The following NRG1 variants were observed in gnomAD, a reference collection of about 807,000 sequenced individuals.
NRG1 encodes pro-neuregulin-1, membrane-bound isoform.
NRG1 carries 18 observed loss-of-function variants against 63.8 expected under a neutral mutation model. The ratio of observed to expected loss-of-function variants is 0.28; its 90% CI spans 0.19 to 0.42. The LOEUF is 0.42. Among genes scored for constraint, NRG1 ranks in the 10% least tolerant of loss-of-function variants. The pLI is 1.00. For missense variants in NRG1, 762 were observed against 814.7 expected (o/e 0.94, Z 0.79); for synonymous variants, 302 against 301.3 (o/e 1.00, Z -0.02).
intron 1 of NRG1, among the ~76,000 whole-genome samples, chr8:31,714,997 C>T (rs1349777610): frequency 1.3e-5 from 2 of 151,946 alleles, no homozygotes; most frequent in Non-Finnish European, 2.9e-5. Flanking sequence ...ATAAAAAATA[C>T]CTTTCAAAGA....
chr8:32,579,180 A>C lies in NRG1; in HGVS notation c.101-16648A>C, dbSNP rs1397939236. On this transcript the variant is annotated intron_variant, in intron 1 of 11. Transcript: ENST00000356819. ...TGAAAGCTTTGGAAAATTTTGTAGA[A>C]GTTCTTTCTTCTGTCTTTTTTTTTT... Among the ~76,000 whole-genome samples the C allele has an allele frequency of 3.4e-5, 5 of 145,956 alleles. No individual in the cohort carries two copies. In the Admixed American group the frequency reaches 3.5e-4, roughly 10 times the overall value.
At chr8:32,748,671 A>G (rs1403995083) in intron 7 of NRG1, 2 of 456,050 alleles carry the variant, frequency 4.4e-6, no homozygotes, top group South Asian at 3.1e-5. Flanking sequence ...GGCTGTGTGC[A>G]TGGGAGTCCA....
At chr8:31,743,083 C>T (rs1430960674) in intron 1 of NRG1, among the ~76,000 whole-genome samples, 1 of 151,956 alleles carries the variant, frequency 6.6e-6, no homozygotes, top group Admixed American at 6.6e-5. Flanking sequence ...GTTTTGAGCT[C>T]AAATAACAAT....
chr8:31,926,036 A>G (rs1834332129), intron 1 of NRG1, among the ~76,000 whole-genome samples: 1 of 152,162 alleles, frequency 6.6e-6, no homozygotes, highest in Admixed American at 6.5e-5. Context: ...AATAAAATGT[A>G]AAGGTTCTGG....
chr8:31,959,787 T>TTTA (rs58164655), intron 1 of NRG1, among the ~76,000 whole-genome samples: 46,968 of 129,002 alleles, frequency 0.36, 9,970 homozygotes, highest in Middle Eastern at 0.48. Flanking sequence ...CGATTATTTA[T>TTTA]TTATTTATTA....
chr8:31,647,358 G>T (rs1217053932), intron 1 of NRG1, among the ~76,000 whole-genome samples: 1 of 152,216 alleles, frequency 6.6e-6, no homozygotes, highest in Non-Finnish European at 1.5e-5. Flanking sequence ...GGTGGCATGT[G>T]CCCATTTGGG....
intron 1 of NRG1, among the ~76,000 whole-genome samples, chr8:31,838,410 G>A (rs2129607316): frequency 6.6e-6 from 1 of 152,040 alleles, no homozygotes; most frequent in Middle Eastern, 3.4e-3. Context: ...TTTTTAGGCT[G>A]TTCTTCACCA....
At chr8:31,790,797 T>C (rs543037491) in intron 1 of NRG1, among the ~76,000 whole-genome samples, 1 of 152,298 alleles carries the variant, frequency 6.6e-6, no homozygotes, top group Admixed American at 6.5e-5. Context: ...GCAAATTTTA[T>C]TGATAAGAGT....
At chr8:32,713,760 A>G in intron 5 of NRG1, among the ~76,000 whole-genome samples, 1 of 146,706 alleles carries the variant, frequency 6.8e-6, no homozygotes, top group East Asian at 2.0e-4. Flanking sequence ...AATATATTAT[A>G]TATTTATATA....
At chr8:32,329,156 G>A (rs760516790) in intron 1 of NRG1, among the ~76,000 whole-genome samples, 1 of 151,998 alleles carries the variant, frequency 6.6e-6, no homozygotes, top group Non-Finnish European at 1.5e-5. Flanking sequence ...TTTTGTAGAG[G>A]TGGGTTTTCC....
At chr8:32,709,822 T>C (rs72634894) in intron 5 of NRG1, among the ~76,000 whole-genome samples, 6 of 152,280 alleles carry the variant, frequency 3.9e-5, no homozygotes, top group South Asian at 2.1e-4. Context: ...GCATAGTCAA[T>C]TGAATAAAAT....
chr8:31,897,471 G>A (rs1343287219), intron 1 of NRG1, among the ~76,000 whole-genome samples: 1 of 152,106 alleles, frequency 6.6e-6, no homozygotes. Context: ...CTGCAAATCT[G>A]TCTCTCATGA....
At chr8:32,653,974 G>A (rs1409083240) in intron 5 of NRG1, among the ~76,000 whole-genome samples, 1 of 152,016 alleles carries the variant, frequency 6.6e-6, no homozygotes, top group Non-Finnish European at 1.5e-5. Flanking sequence ...GTGTGTGTGT[G>A]TGTGTAGACA....
intron 1 of NRG1, among the ~76,000 whole-genome samples, chr8:32,185,072 T>C (rs1045858904): frequency 6.6e-6 from 1 of 152,162 alleles, no homozygotes; most frequent in Admixed American, 6.6e-5. Flanking sequence ...CCTAAGCCTG[T>C]TTACTCTGGG....
At chr8:32,728,246 C>T (rs1186546205) in intron 6 of NRG1, 168 bp downstream of exon 6, 1 of 985,258 alleles carries the variant, frequency 1.0e-6, no homozygotes, top group Non-Finnish European at 1.2e-6. Context: ...CGTCATCACT[C>T]CTCTGTCATA....
chr8:32,130,547 C>G (rs956678953), intron 1 of NRG1, among the ~76,000 whole-genome samples: 1 of 151,818 alleles, frequency 6.6e-6, no homozygotes, highest in African/African-American at 2.4e-5. Flanking sequence ...TTGTTTCAAG[C>G]CTAGAGTTCT....
intron 1 of NRG1, among the ~76,000 whole-genome samples, chr8:32,550,045 GTCT>G (rs1833836122): frequency 6.6e-6 from 1 of 152,138 alleles, no homozygotes; most frequent in Non-Finnish European, 1.5e-5. Flanking sequence ...CATTTGCTTG[GTCT>G]TCTTACTGGT....
intron 1 of NRG1, among the ~76,000 whole-genome samples, chr8:32,594,799 A>G (rs1843079210): frequency 6.6e-6 from 1 of 152,200 alleles, no homozygotes; most frequent in East Asian, 1.9e-4. Flanking sequence ...CCAATCAAAG[A>G]GAGAATTTGT....
At chr8:31,837,947 G>A (rs1212777347) in intron 1 of NRG1, among the ~76,000 whole-genome samples, 1 of 152,006 alleles carries the variant, frequency 6.6e-6, no homozygotes, top group Non-Finnish European at 1.5e-5. Context: ...ACATGAGCAT[G>A]CAGATGTCTC....
Sources: allele counts gnomAD v4.1 joint callset (sites outside exome capture counted in the v4.1 genomes callset), GRCh38; gene constraint gnomAD v4.1.1; transcripts MANE v1.5; gene names NCBI Gene and HGNC (gene_info 2026-07-23, HGNC 2026-07-21).